RERG: variants seen among roughly 807,000 people sequenced by gnomAD.
RERG encodes ras-related and estrogen-regulated growth inhibitor.
Under a neutral mutation model 23.2 loss-of-function variants are expected in RERG, and 25 were observed. That is an observed-to-expected ratio of 1.08 (90% CI 0.79 to 1.50). The LOEUF is 1.50. Among genes scored for constraint, RERG ranks in the 40% most tolerant of loss-of-function variants. RERG has a pLI of 0.00. For synonymous variants in RERG, 81 were observed against 89.1 expected (o/e 0.91, Z 0.51); for missense variants, 253 against 250.1 (o/e 1.01, Z -0.08).
intron 2 of RERG, among the ~76,000 whole-genome samples, chr12:15,207,475 T>C (rs1865308479): frequency 6.6e-6 from 1 of 152,020 alleles, no homozygotes; most frequent in African/African-American, 2.4e-5. Flanking sequence ...AACAACCATC[T>C]CCATTTGCAA....
chr12:15,110,098 T>C (rs1863577969), intron 4 of RERG, among the ~76,000 whole-genome samples: 2 of 152,116 alleles, frequency 1.3e-5, no homozygotes, highest in Non-Finnish European at 2.9e-5. Context: ...TCTTTTCCTA[T>C]CTCAGAGCCC....
intron 2 of RERG, among the ~76,000 whole-genome samples, chr12:15,164,241 C>A (rs80084575): frequency 4.8e-3 from 724 of 152,312 alleles, no homozygotes; most frequent in Middle Eastern, 0.01. Flanking sequence ...CATCCATCCT[C>A]CTTTCTAGAG....
intron 2 of RERG, among the ~76,000 whole-genome samples, chr12:15,168,011 G>A (rs1211257753): frequency 6.6e-6 from 1 of 152,126 alleles, no homozygotes; most frequent in East Asian, 1.9e-4. Flanking sequence ...CTACAAGTCT[G>A]GCTTATGATT....
At chr12:15,201,616 G>T (rs189622035) in intron 2 of RERG, among the ~76,000 whole-genome samples, 19 of 148,140 alleles carry the variant, frequency 1.3e-4, no homozygotes, top group Non-Finnish European at 2.1e-4. Context: ...ATAATAATTA[G>T]CTAATATTAA....
chr12:15,214,457 G>A (rs1485634160), intron 2 of RERG, among the ~76,000 whole-genome samples: 2 of 152,074 alleles, frequency 1.3e-5, no homozygotes, highest in African/African-American at 2.4e-5. Context: ...AGAGGGGACA[G>A]GTAAGACTTA....
intron 2 of RERG, among the ~76,000 whole-genome samples, chr12:15,145,372 T>C (rs1370392122): frequency 1.3e-5 from 2 of 152,234 alleles, no homozygotes; most frequent in African/African-American, 4.8e-5. Flanking sequence ...CAAGGGGAAC[T>C]TCTCCTTCAC....
At chr12:15,171,929 T>G (rs2136122424) in intron 2 of RERG, among the ~76,000 whole-genome samples, 1 of 152,328 alleles carries the variant, frequency 6.6e-6, no homozygotes, top group South Asian at 2.1e-4. Context: ...GACCTAACAT[T>G]TTTACTTATT....
chr12:15,184,886 GA>G (rs1425993902), intron 2 of RERG, among the ~76,000 whole-genome samples: 1 of 152,174 alleles, frequency 6.6e-6, no homozygotes, highest in African/African-American at 2.4e-5. Context: ...GGCAGGCATA[GA>G]GAAGGACATT....
chr12:15,111,225 GA>G lies in RERG; in HGVS notation c.192+118del, dbSNP rs1017025007. On this transcript the variant is annotated intron_variant, in intron 4 of 4. Transcript: ENST00000256953. ...TATATAAAATGGCTAGTTAATTAGA[GA>G]AAAAGGTTTTAGGCATGCAAAAGTT... 8.4e-5 allele frequency: 57 copies of G among 682,160 alleles called. 1 individual carries two copies. Among genetic ancestry groups the G allele is most frequent in the Admixed American group, 2.5e-4 (10 of 39,414 alleles). 42.3% of individuals were successfully genotyped at this position (682,160 alleles called of 1,614,324 possible). A position where few individuals can be genotyped will look rare whatever the true frequency, so the allele number is the denominator to read the frequency against.
intron 2 of RERG, among the ~76,000 whole-genome samples, chr12:15,132,763 CTTG>C (rs1440921895): frequency 2.0e-5 from 3 of 151,904 alleles, no homozygotes; most frequent in Non-Finnish European, 4.4e-5. Flanking sequence ...GTATTGGTGT[CTTG>C]TTGTTTTAAC....
At chr12:15,178,701 G>A (rs749409288) in intron 2 of RERG, among the ~76,000 whole-genome samples, 6 of 152,126 alleles carry the variant, frequency 3.9e-5, no homozygotes, top group Non-Finnish European at 7.4e-5. Context: ...ACTGAAAGGA[G>A]AGTTTGACTC....
intron 2 of RERG, among the ~76,000 whole-genome samples, chr12:15,121,904 T>C (rs1366840995): frequency 6.6e-6 from 1 of 152,206 alleles, no homozygotes; most frequent in African/African-American, 2.4e-5. Context: ...GGATAATATT[T>C]AACTGGAAGA....
At chr12:15,195,449 A>G (rs575847287) in intron 2 of RERG, among the ~76,000 whole-genome samples, 2 of 152,126 alleles carry the variant, frequency 1.3e-5, no homozygotes, top group African/African-American at 4.8e-5. Flanking sequence ...CCTCTTGCTA[A>G]GTAGGTGGCC....
intron 3 of RERG, among the ~76,000 whole-genome samples, chr12:15,118,992 C>A (rs7959099): frequency 0.67 from 101,136 of 151,996 alleles, 33,742 homozygotes; most frequent in Admixed American, 0.74. Flanking sequence ...AGGAAATGCT[C>A]ATTTCCCTTG....
At chr12:15,190,683 G>A (rs996966798) in intron 2 of RERG, among the ~76,000 whole-genome samples, 4 of 151,970 alleles carry the variant, frequency 2.6e-5, no homozygotes, top group Admixed American at 1.3e-4. Flanking sequence ...GATAATGGAC[G>A]GAGCCAAAGA....
At chr12:15,211,426 G>T (rs946375324) in intron 2 of RERG, among the ~76,000 whole-genome samples, 4 of 151,834 alleles carry the variant, frequency 2.6e-5, no homozygotes, top group Non-Finnish European at 5.9e-5. Flanking sequence ...AATAAGTCTG[G>T]CACAGAGAGA....
rs549607800 is a variant in RERG at position 15,114,260 on chromosome 12, AG to A, written c.119-2844del. Among the ~76,000 whole-genome samples, 1,064 of 152,272 alleles carry A rather than the reference AG, an allele frequency of 7.0e-3. 12 individuals are homozygous for A. Among genetic ancestry groups the A allele is most frequent in the Middle Eastern group, 0.024 (7 of 294 alleles). On this transcript the variant is annotated intron_variant, in intron 3 of 4. Coordinates refer to ENST00000256953, the MANE Select transcript of RERG (RefSeq NM_032918.3). ...CAAAAAAAATGAGATAAAAAATAAAAGGGTTGACTACATTAAAATTAAGAAT... is the reference window on the plus strand; with the variant it reads ...CAAAAAAAATGAGATAAAAAATAAAAGGTTGACTACATTAAAATTAAGAAT...
intron 2 of RERG, among the ~76,000 whole-genome samples, chr12:15,177,072 T>A (rs1864860212): frequency 2.0e-5 from 3 of 152,262 alleles, no homozygotes; most frequent in Non-Finnish European, 4.4e-5. Context: ...TATATCTAAG[T>A]GATATGCAGT....
intron 2 of RERG, among the ~76,000 whole-genome samples, chr12:15,207,753 C>T (rs1032592137): frequency 2.0e-5 from 3 of 151,976 alleles, no homozygotes; most frequent in East Asian, 3.9e-4. Flanking sequence ...GAAGAAGAGA[C>T]TCAGGCATGA....
Sources: gnomAD v4.1 joint callset for allele counts (sites outside exome capture counted in the v4.1 genomes callset) on GRCh38, gnomAD v4.1.1 for gene constraint, MANE v1.5 for transcripts, NCBI Gene and HGNC (gene_info 2026-07-23, HGNC 2026-07-21) for gene names.